Variants in CFAP44 observed in about 807,000 individuals in gnomAD.
CFAP44 encodes the protein cilia and flagella associated protein 44, also known as cilia- and flagella-associated protein 44.
In CFAP44, 134 loss-of-function variants were observed where a neutral mutation model predicts 216.2. The observed-to-expected ratio is 0.62, with a 90% CI of 0.54 to 0.72. CFAP44 has a LOEUF of 0.72. Among genes scored for constraint, CFAP44 ranks in the 30% least tolerant of loss-of-function variants. The pLI, the probability that CFAP44 is intolerant of heterozygous loss-of-function variation, is 0.00. For synonymous variants in CFAP44, 700 were observed against 727.6 expected, an observed-to-expected ratio of 0.96 and a Z score of 0.61; for missense variants, 2,035 against 2,182.1, an observed-to-expected ratio of 0.93 and a Z score of 1.34.
At chr3:113,430,435 A>AAAAAAC in intron 2 of CFAP44, among the ~76,000 whole-genome samples, 1 of 148,894 alleles carries the variant, frequency 6.7e-6, no homozygotes, top group Middle Eastern at 3.4e-3. Flanking sequence ...AAATGAAAAA[A>AAAAAAC]AAAAAAAAAA....
Position 113,436,780 on chromosome 3 carries a change from A to G in CFAP44, c.-5-3111T>C, listed in dbSNP as rs567643273. Among the ~76,000 whole-genome samples the G allele has an allele frequency of 8.5e-5, 13 of 152,248 alleles. No homozygotes were observed. The East Asian group carries it at 2.5e-3, about 29-fold the overall frequency. ...CTAATCAATTGATAACTAAATGAAAATTTTTCATCTGTGAGTTTCAATAGC... is the reference window on the plus strand; with the variant it reads ...CTAATCAATTGATAACTAAATGAAAGTTTTTCATCTGTGAGTTTCAATAGC... On this transcript the variant is annotated intron_variant, in intron 1 of 34. Transcript: ENST00000393845.
At chr3:113,342,336 C>T (rs2107820182) in intron 23 of CFAP44, among the ~76,000 whole-genome samples, 1 of 151,810 alleles carries the variant, frequency 6.6e-6, no homozygotes, top group East Asian at 1.9e-4. Flanking sequence ...CTGTCTCAAA[C>T]AAAACAAAAC....
At chr3:113,299,799 C>T (rs1949916852) in intron 32 of CFAP44, among the ~76,000 whole-genome samples, 1 of 152,138 alleles carries the variant, frequency 6.6e-6, no homozygotes, top group Non-Finnish European at 1.5e-5. Flanking sequence ...GAGGCTGAGA[C>T]AGGCGATTGC....
At chr3:113,308,417 AAACCCAAATGCCTGC>A (rs1449088600) in intron 28 of CFAP44, 149 bp from the exon 29 acceptor site, 1 of 641,022 alleles carries the variant, frequency 1.6e-6, no homozygotes, top group African/African-American at 1.8e-5. Flanking sequence ...CAAAGAACAC[AAACCCAAATGCCTGC>A]AGAGGGTTGT....
At chr3:113,418,763 C>T (rs1401515556) in intron 5 of CFAP44, among the ~76,000 whole-genome samples, 3 of 151,892 alleles carry the variant, frequency 2.0e-5, no homozygotes, top group East Asian at 1.9e-4. Flanking sequence ...TGAAGTGCAA[C>T]GGCATGATCT....
rs77980142 is a variant in CFAP44, at chr3:113,400,521, T to C, written c.1474+24A>G. 0.065 allele frequency: 99,385 copies of C among 1,525,522 alleles called. 3,833 individuals are homozygous for C. The highest frequency in any genetic ancestry group is 0.17 in the East Asian group (7,351 of 43,780). 94.5% of individuals were successfully genotyped at this position (1,525,522 alleles called of 1,614,324 possible). A position where few individuals can be genotyped will look rare whatever the true frequency, so the allele number is the denominator to read the frequency against. ...ATAAAACAAAACAAGGCCAGACATA[T>C]TTTTATTAAGAGTTCCTACTTACAG... On this transcript the variant is annotated intron_variant, in intron 12 of 34. Coordinates refer to ENST00000393845, the MANE Select transcript of CFAP44 (RefSeq NM_001164496.2).
At chr3:113,427,568 T>C (rs1246433924) in intron 2 of CFAP44, 1 of 418,800 alleles carries the variant, frequency 2.4e-6, no homozygotes, top group Non-Finnish European at 4.1e-6. Flanking sequence ...CTATTTCCTA[T>C]CATTAAATAC....
intron 2 of CFAP44, among the ~76,000 whole-genome samples, chr3:113,429,562 T>G (rs1212662484): frequency 6.6e-6 from 1 of 152,156 alleles, no homozygotes; most frequent in Non-Finnish European, 1.5e-5. Context: ...TTGTTTTTAT[T>G]AGCCATGCTG....
At position 113,355,990 on chromosome 3, in the gene CFAP44, T is replaced by C. The variant is rs62265965; in HGVS notation, c.3065+2755A>G. ...TTAAAGCAATTATTATAATGTATTC[T>C]TCATTTATATATAATTATGTGGAAT... On this transcript the variant is annotated intron_variant, in intron 22 of 34. Transcript: ENST00000393845. Among the ~76,000 whole-genome samples the C allele has an allele frequency of 5.2e-3, 777 of 150,804 alleles. 6 individuals are homozygous for C. The highest frequency in any genetic ancestry group is 0.014 in the Middle Eastern group (4 of 288).
chr3:113,342,874 C>T (rs906975974), intron 23 of CFAP44, among the ~76,000 whole-genome samples: 1 of 151,612 alleles, frequency 6.6e-6, no homozygotes, highest in Non-Finnish European at 1.5e-5. Flanking sequence ...ATCCCAGTTA[C>T]TCAGGAGGCT....
rs1245966328 is a variant in CFAP44 at position 113,333,583 on chromosome 3, T to C, written c.3438A>G (p.Leu1146=). ...AGTCATCACCAGGTTTACTCTTGTA[T>C]CTATTAGAAAAACAGACAACCCCCC... ...IQQRKKEWEE[L]YKSKPGDDYE... is the part of the protein sequence containing the mutation. The change falls in exon 25 of 35, where the codon CTA becomes CTG. Residue 1146 remains leucine, a splice_region_variant and synonymous_variant. Transcript: ENST00000393845. 4.0e-6 allele frequency: 6 copies of C among 1,514,216 alleles called. No homozygotes were observed. In the South Asian group the frequency reaches 6.3e-5, roughly 16 times the overall value. The allele number at this position is 1,514,216 out of a possible 1,614,324, so 93.8% of individuals were successfully genotyped here.
At chr3:113,430,445 A>C (rs1343366195) in intron 2 of CFAP44, among the ~76,000 whole-genome samples, 4 of 147,682 alleles carry the variant, frequency 2.7e-5, no homozygotes, top group Non-Finnish European at 6.0e-5. Flanking sequence ...AAAAAAAAAA[A>C]CAAAGTAAAT....
intron 28 of CFAP44, among the ~76,000 whole-genome samples, chr3:113,309,245 C>T (rs1456644515): frequency 6.6e-6 from 1 of 152,226 alleles, no homozygotes; most frequent in Non-Finnish European, 1.5e-5. Flanking sequence ...AATTCCTCAT[C>T]ACTCCACCTG....
At chr3:113,401,174 T>C in intron 11 of CFAP44, 66 bp downstream of exon 11, 8 of 1,431,332 alleles carry the variant, frequency 5.6e-6, no homozygotes, top group Non-Finnish European at 7.6e-6. Flanking sequence ...AAGAATACTT[T>C]AAAGACAAAT....
rs78587184 is a variant in CFAP44, at chr3:113,403,079, C to T, written c.1170+773G>A. 5.5e-3 allele frequency among the ~76,000 whole-genome samples: 800 copies of T among 145,264 alleles called. 6 individuals are homozygous for T. Among genetic ancestry groups the T allele is most frequent in the Non-Finnish European group, 8.8e-3 (585 of 66,504 alleles). On this transcript the variant is annotated intron_variant, in intron 9 of 34. Coordinates refer to ENST00000393845, the MANE Select transcript of CFAP44 (RefSeq NM_001164496.2). ...AGCTCAATCGGTGGCAACAGAGTGA[C>T]CAGACTCTTAAAAAAGAAAAAAAAA...
intron 34 of CFAP44, among the ~76,000 whole-genome samples, chr3:113,293,662 T>G (rs6438136): frequency 0.028 from 4,333 of 152,320 alleles, 184 homozygotes; most frequent in African/African-American, 0.09. Flanking sequence ...TCTCAAACAC[T>G]GCCTTGATCC....
intron 32 of CFAP44, among the ~76,000 whole-genome samples, chr3:113,301,489 G>A (rs1401997883): frequency 2.6e-5 from 4 of 152,014 alleles, no homozygotes; most frequent in Non-Finnish European, 4.4e-5. Context: ...CTGCTTATAT[G>A]TATGTTCCAC....
intron 15 of CFAP44, among the ~76,000 whole-genome samples, chr3:113,388,584 A>T (rs957168027): frequency 6.6e-6 from 1 of 152,180 alleles, no homozygotes; most frequent in African/African-American, 2.4e-5. Context: ...CTCTCTAAAC[A>T]AAAGAAATGA....
intron 5 of CFAP44, among the ~76,000 whole-genome samples, chr3:113,418,897 G>A (rs1934728901): frequency 1.3e-5 from 2 of 151,762 alleles, no homozygotes; most frequent in South Asian, 4.2e-4. Context: ...GTAGAGACAG[G>A]GTTTCACCAT....
Sources: gnomAD v4.1 joint callset for allele counts (sites outside exome capture counted in the v4.1 genomes callset) on GRCh38, gnomAD v4.1.1 for gene constraint, MANE v1.5 for transcripts, NCBI Gene and HGNC (gene_info 2026-07-23, HGNC 2026-07-21) for gene names.